ST6GAL2: variants seen among roughly 807,000 people sequenced by gnomAD.
ST6GAL2 encodes the protein ST6 beta-galactoside alpha-2,6-sialyltransferase 2.
Under a neutral mutation model 37.5 loss-of-function variants are expected in ST6GAL2, and 24 were observed. That is an observed-to-expected ratio of 0.64 (90% CI 0.46 to 0.90). The LOEUF (loss-of-function observed/expected upper bound fraction) is 0.90, where lower values mean the gene tolerates loss of function less well. Ranked by LOEUF, ST6GAL2 falls within the 40% of genes least tolerant of loss-of-function variation. ST6GAL2 has a pLI of 0.00. For missense variants in ST6GAL2, 715 were observed against 712.7 expected (o/e 1.00, Z -0.04); for synonymous variants, 306 against 295.1 (o/e 1.04, Z -0.38).
At chr2:106,826,534 C>T (rs1218992261) in intron 5 of ST6GAL2, among the ~76,000 whole-genome samples, 1 of 131,322 alleles carries the variant, frequency 7.6e-6, no homozygotes, top group East Asian at 2.6e-4. Flanking sequence ...AGCGAGACTC[C>T]GTCTCAAAAA....
At chr2:106,836,944 C>CAAAAAAAAAAAA (rs10700905) in intron 2 of ST6GAL2, among the ~76,000 whole-genome samples, 6 of 85,698 alleles carry the variant, frequency 7.0e-5, no homozygotes, top group East Asian at 4.3e-4. Flanking sequence ...AATTCCATCT[C>CAAAAAAAAAAAA]AAAAAAAAAA....
intron 1 of ST6GAL2, among the ~76,000 whole-genome samples, chr2:106,884,939 A>ATATG (rs1491214200): frequency 3.8e-4 from 46 of 122,632 alleles, no homozygotes; most frequent in African/African-American, 1.3e-3. Context: ...ATATATACAT[A>ATATG]CACACACACA....
At chr2:106,862,695 A>G (rs1293796043) in intron 1 of ST6GAL2, among the ~76,000 whole-genome samples, 1 of 152,180 alleles carries the variant, frequency 6.6e-6, no homozygotes, top group Non-Finnish European at 1.5e-5. Flanking sequence ...TCTGCAATAA[A>G]ACAAAATATC....
chr2:106,807,686 T>C (rs555394919), intron 5 of ST6GAL2, among the ~76,000 whole-genome samples: 3 of 149,476 alleles, frequency 2.0e-5, no homozygotes, highest in Non-Finnish European at 3.0e-5. Flanking sequence ...TGGAGTGCAG[T>C]GGCGCGATCT....
intron 1 of ST6GAL2, among the ~76,000 whole-genome samples, chr2:106,879,838 A>C (rs1293862710): frequency 1.4e-5 from 2 of 147,880 alleles, no homozygotes; most frequent in Non-Finnish European, 3.0e-5. Context: ...TAATTAATCT[A>C]TATATAATCT....
chr2:106,845,514 C>T (rs1168380969), intron 1 of ST6GAL2, among the ~76,000 whole-genome samples: 1 of 152,194 alleles, frequency 6.6e-6, no homozygotes, highest in African/African-American at 2.4e-5. Context: ...CCCCCACGAT[C>T]CTTCCCCAGT....
At chr2:106,850,259 G>C (rs1296038382) in intron 1 of ST6GAL2, among the ~76,000 whole-genome samples, 1 of 152,192 alleles carries the variant, frequency 6.6e-6, no homozygotes, top group African/African-American at 2.4e-5. Context: ...TGGCAGGATA[G>C]AGGGGGCTGC....
upstream of ST6GAL2, chr2:106,886,684 C>T (rs549546151): frequency 3.9e-4 from 60 of 152,030 alleles, 1 homozygote; most frequent in African/African-American, 1.4e-3. Flanking sequence ...GCCCCAGAGC[C>T]CCCTCCCTCT....
chr2:106,855,085 T>C (rs986140359), intron 1 of ST6GAL2, among the ~76,000 whole-genome samples: 1 of 152,212 alleles, frequency 6.6e-6, no homozygotes, highest in Admixed American at 6.5e-5. Flanking sequence ...ATTAAGTCTA[T>C]CATAAGGTGG....
In ST6GAL2 at chr2:106,818,784, C is replaced by T. The variant is rs555262392; in HGVS notation, c.1318+11282G>A. 5.5e-4 allele frequency among the ~76,000 whole-genome samples: 83 copies of T among 151,996 alleles called. No individual in the cohort carries two copies. In the Middle Eastern group the frequency reaches 0.01, roughly 19 times the overall value. On this transcript the variant is annotated intron_variant, in intron 5 of 5. Transcript: ENST00000409382. ...ATCCCACAGAGACAGAGATATGTGACCTTTGAACAGAAAATTCAAAATAGC... is the reference window on the plus strand; with the variant it reads ...ATCCCACAGAGACAGAGATATGTGATCTTTGAACAGAAAATTCAAAATAGC...
intron 1 of ST6GAL2, among the ~76,000 whole-genome samples, chr2:106,868,096 G>A (rs1216870794): frequency 2.0e-5 from 3 of 152,160 alleles, no homozygotes; most frequent in African/African-American, 4.8e-5. Context: ...TTCTTCTGTT[G>A]TGTCCTAATG....
intron 2 of ST6GAL2, among the ~76,000 whole-genome samples, chr2:106,835,692 C>G (rs913238344): frequency 1.3e-5 from 2 of 152,200 alleles, no homozygotes; most frequent in African/African-American, 4.8e-5. Context: ...CTGTCTATAA[C>G]TGCAGAGTTG....
At chr2:106,875,174 CTT>C (rs11330010) in intron 1 of ST6GAL2, among the ~76,000 whole-genome samples, 100 of 128,862 alleles carry the variant, frequency 7.8e-4, no homozygotes, top group East Asian at 2.1e-3. Flanking sequence ...TTTTTTGTTT[CTT>C]TTTTTTTTTT....
chr2:106,854,770 A>C (rs962328283), intron 1 of ST6GAL2, among the ~76,000 whole-genome samples: 1 of 152,074 alleles, frequency 6.6e-6, no homozygotes, highest in Non-Finnish European at 1.5e-5. Flanking sequence ...TCATTAAGTA[A>C]CCTGAGTGTT....
chr2:106,838,618 C>G (rs1228037372), intron 2 of ST6GAL2, among the ~76,000 whole-genome samples: 1 of 152,172 alleles, frequency 6.6e-6, no homozygotes, highest in Non-Finnish European at 1.5e-5. Flanking sequence ...TCTGGAGACC[C>G]AGACTGGGGT....
chr2:106,833,637 A>G (rs969399889), intron 3 of ST6GAL2, among the ~76,000 whole-genome samples: 1 of 152,190 alleles, frequency 6.6e-6, no homozygotes, highest in Non-Finnish European at 1.5e-5. Flanking sequence ...CAAATTTCCA[A>G]ATGGCAGACT....
intron 1 of ST6GAL2, among the ~76,000 whole-genome samples, chr2:106,856,751 A>G (rs1677591741): frequency 6.6e-6 from 1 of 152,190 alleles, no homozygotes; most frequent in South Asian, 2.1e-4. Context: ...AGGCAGTCAA[A>G]ATAAGGACAT....
At chr2:106,839,772 T>C (rs993594233) in intron 2 of ST6GAL2, among the ~76,000 whole-genome samples, 1 of 152,190 alleles carries the variant, frequency 6.6e-6, no homozygotes, top group Non-Finnish European at 1.5e-5. Context: ...CTCTGTAACA[T>C]GTTTCCACAT....
chr2:106,878,033 T>C (rs990622864), intron 1 of ST6GAL2, among the ~76,000 whole-genome samples: 7 of 152,202 alleles, frequency 4.6e-5, no homozygotes, highest in Non-Finnish European at 8.8e-5. Flanking sequence ...CACACAGTAA[T>C]TCCCAAACCA....
Sources: allele counts gnomAD v4.1 joint callset (sites outside exome capture counted in the v4.1 genomes callset), GRCh38; gene constraint gnomAD v4.1.1; transcripts MANE v1.5; gene names NCBI Gene and HGNC (gene_info 2026-07-23, HGNC 2026-07-21).